The following KCNK10 variants were observed in gnomAD, a reference collection of about 807,000 sequenced individuals.
KCNK10 encodes potassium channel subfamily K member 10.
Under a neutral mutation model 47.7 loss-of-function variants are expected in KCNK10, and 25 were observed. The observed-to-expected ratio is 0.52, with a 90% CI of 0.38 to 0.73. The LOEUF is 0.73. Among genes scored for constraint, KCNK10 ranks in the 30% least tolerant of loss-of-function variants. The pLI, the probability that KCNK10 is intolerant of heterozygous loss-of-function variation, is 0.00. For synonymous variants in KCNK10, 303 were observed against 285.6 expected (o/e 1.06, Z -0.61); for missense variants, 563 against 714.5 (o/e 0.79, Z 2.42).
chr14:88,243,384 A>G (rs1430831277), intron 2 of KCNK10, among the ~76,000 whole-genome samples: 1 of 152,218 alleles, frequency 6.6e-6, no homozygotes, highest in East Asian at 1.9e-4. Context: ...TCACCCAGCC[A>G]GGAAGTGAAG....
chr14:88,198,035 C>T (rs532068063), intron 4 of KCNK10, among the ~76,000 whole-genome samples: 23 of 152,312 alleles, frequency 1.5e-4, no homozygotes, highest in Non-Finnish European at 1.6e-4. Context: ...AAGCTTAGTA[C>T]CTAATGACAC....
intron 1 of KCNK10, among the ~76,000 whole-genome samples, chr14:88,283,508 A>G (rs745498134): frequency 9.2e-5 from 14 of 152,236 alleles, no homozygotes; most frequent in Admixed American, 2.0e-4. Flanking sequence ...AAAATATCCA[A>G]CAGCAATGTG....
intron 1 of KCNK10, among the ~76,000 whole-genome samples, chr14:88,319,999 T>C (rs980694485): frequency 6.6e-6 from 1 of 152,210 alleles, no homozygotes; most frequent in African/African-American, 2.4e-5. Flanking sequence ...ATAAGAGATA[T>C]GCCACCTCAC....
chr14:88,304,783 T>C (rs766773901), intron 1 of KCNK10, among the ~76,000 whole-genome samples: 2 of 152,226 alleles, frequency 1.3e-5, no homozygotes, highest in African/African-American at 4.8e-5. Flanking sequence ...GATAACTTTG[T>C]TCAGAAATGA....
At chr14:88,195,439 C>T (rs1884880332) in intron 4 of KCNK10, among the ~76,000 whole-genome samples, 1 of 152,180 alleles carries the variant, frequency 6.6e-6, no homozygotes, top group South Asian at 2.1e-4. Flanking sequence ...TTTCCTTAGA[C>T]GTAGACAGTC....
chr14:88,228,967 C>T (rs1886073370), intron 3 of KCNK10, among the ~76,000 whole-genome samples: 1 of 152,104 alleles, frequency 6.6e-6, no homozygotes, highest in East Asian at 1.9e-4. Context: ...CTAGAATGGT[C>T]AAGCTGACAT....
At chr14:88,279,682 C>A (rs1887604562) in intron 1 of KCNK10, among the ~76,000 whole-genome samples, 1 of 152,034 alleles carries the variant, frequency 6.6e-6, no homozygotes, top group African/African-American at 2.4e-5. Context: ...AGGAGGAGCA[C>A]AACCATCCCC....
chr14:88,215,509 A>C (rs1885589539), intron 4 of KCNK10, among the ~76,000 whole-genome samples: 1 of 152,236 alleles, frequency 6.6e-6, no homozygotes, highest in Non-Finnish European at 1.5e-5. Context: ...ACTACAGTTC[A>C]GATGAGATTT....
chr14:88,278,300 A>G (rs1478069409), intron 1 of KCNK10, among the ~76,000 whole-genome samples: 1 of 152,192 alleles, frequency 6.6e-6, no homozygotes, highest in African/African-American at 2.4e-5. Flanking sequence ...TCTTCCCCAT[A>G]TGAGAAGTGT....
chr14:88,191,188 C>T (rs1884735239), intron 5 of KCNK10, among the ~76,000 whole-genome samples: 1 of 151,936 alleles, frequency 6.6e-6, no homozygotes. Context: ...AGGTCCGAGG[C>T]TGCAGTGAGC....
intron 1 of KCNK10, among the ~76,000 whole-genome samples, chr14:88,274,304 C>T (rs1350525789): frequency 6.6e-6 from 1 of 151,898 alleles, no homozygotes; most frequent in African/African-American, 2.4e-5. Context: ...ATCTACAGAT[C>T]CACAGTAGAA....
intron 4 of KCNK10, among the ~76,000 whole-genome samples, chr14:88,220,218 C>G (rs1026641636): frequency 2.6e-5 from 4 of 151,358 alleles, no homozygotes; most frequent in African/African-American, 9.7e-5. Context: ...AAGATCGAGA[C>G]CATCCCGGCT....
intron 2 of KCNK10, among the ~76,000 whole-genome samples, chr14:88,253,457 T>C (rs1180971085): frequency 6.6e-6 from 1 of 152,190 alleles, no homozygotes; most frequent in East Asian, 1.9e-4. Context: ...ATTGTAGGTA[T>C]GGAAACATCA....
chr14:88,294,989 T>C (rs1475910213), intron 1 of KCNK10, among the ~76,000 whole-genome samples: 2 of 152,250 alleles, frequency 1.3e-5, no homozygotes, highest in South Asian at 4.1e-4. Flanking sequence ...TATTTGTTCT[T>C]ATACTGGAAA....
At chr14:88,204,155 G>A (rs1462301544) in intron 4 of KCNK10, among the ~76,000 whole-genome samples, 2 of 152,274 alleles carry the variant, frequency 1.3e-5, no homozygotes, top group Non-Finnish European at 1.5e-5. Context: ...AGGGGGAGAG[G>A]TAGGAGAGAG....
At chr14:88,208,918 A>C (rs1885369477) in intron 4 of KCNK10, among the ~76,000 whole-genome samples, 1 of 152,158 alleles carries the variant, frequency 6.6e-6, no homozygotes, top group Non-Finnish European at 1.5e-5. Flanking sequence ...AGACAAACAA[A>C]TATTAATAAT....
intron 3 of KCNK10, among the ~76,000 whole-genome samples, chr14:88,238,518 T>G (rs1886360512): frequency 6.6e-6 from 1 of 152,028 alleles, no homozygotes; most frequent in African/African-American, 2.4e-5. Flanking sequence ...AAAAAAATGT[T>G]TAAAAAATTA....
intron 1 of KCNK10, among the ~76,000 whole-genome samples, chr14:88,266,883 C>T (rs948766503): frequency 1.3e-5 from 2 of 152,208 alleles, no homozygotes; most frequent in Non-Finnish European, 2.9e-5. Context: ...GCTTCCCAAG[C>T]TTCTAGCATC....
chr14:88,323,318 C>A (rs374626751), upstream of KCNK10: 22 of 982,934 alleles, frequency 2.2e-5, no homozygotes, highest in Admixed American at 2.5e-4. Context: ...ACACGCCCCA[C>A]CCCGGCCGCG....
Sources: allele counts gnomAD v4.1 joint callset (sites outside exome capture counted in the v4.1 genomes callset), GRCh38; gene constraint gnomAD v4.1.1; transcripts MANE v1.5; gene names NCBI Gene and HGNC (gene_info 2026-07-23, HGNC 2026-07-21).